Variants in DNM3 observed in about 807,000 individuals in gnomAD.
DNM3 encodes the protein dynamin 3.
DNM3 carries 47 observed loss-of-function variants against 101.6 expected under a neutral mutation model. The ratio of observed to expected loss-of-function variants is 0.46; its 90% CI spans 0.37 to 0.59. DNM3 has a LOEUF of 0.59. Ranked by LOEUF, DNM3 falls within the 20% of genes least tolerant of loss-of-function variation. DNM3 has a pLI of 0.00. For synonymous variants in DNM3, 385 were observed against 387.9 expected (o/e 0.99, Z 0.09); for missense variants, 849 against 1,085.7 (o/e 0.78, Z 3.06).
chr1:171,919,982 C>T (rs1180709827), intron 1 of DNM3, among the ~76,000 whole-genome samples: 1 of 152,114 alleles, frequency 6.6e-6, no homozygotes, highest in Admixed American at 6.6e-5. Flanking sequence ...GTCGCATTTT[C>T]AAAAGCACAT....
intron 20 of DNM3, chr1:172,397,199 G>A (rs771855737): frequency 5.2e-5 from 8 of 152,592 alleles, no homozygotes; most frequent in East Asian, 3.8e-4. Context: ...TTGCTTCTCA[G>A]TAGTGTTGGA....
intron 13 of DNM3, among the ~76,000 whole-genome samples, chr1:172,119,667 A>G (rs1159932425): frequency 1.3e-5 from 2 of 152,138 alleles, no homozygotes; most frequent in African/African-American, 4.8e-5. Flanking sequence ...ACAAATTTGC[A>G]CATCTGATCC....
intron 17 of DNM3, chr1:172,338,861 A>G: frequency 2.1e-6 from 1 of 468,892 alleles, no homozygotes; most frequent in Middle Eastern, 4.3e-4. Flanking sequence ...ATCCAGAATG[A>G]AAGTGCATCT....
intron 14 of DNM3, among the ~76,000 whole-genome samples, chr1:172,250,726 G>A (rs962404026): frequency 3.3e-5 from 5 of 152,110 alleles, no homozygotes; most frequent in African/African-American, 1.2e-4. Context: ...TGATAGTGAG[G>A]TTTCAGATGG....
At chr1:172,351,969 T>A (rs937573235) in intron 17 of DNM3, among the ~76,000 whole-genome samples, 1 of 152,164 alleles carries the variant, frequency 6.6e-6, no homozygotes, top group African/African-American at 2.4e-5. Flanking sequence ...CAAAGGAGAC[T>A]AATACAATAA....
intron 7 of DNM3, among the ~76,000 whole-genome samples, chr1:172,041,373 G>C (rs1453499754): frequency 4.6e-5 from 7 of 152,176 alleles, no homozygotes; most frequent in Admixed American, 3.9e-4. Context: ...TGGGAATGCA[G>C]GAGGATCAGC....
chr1:172,231,212 A>G (rs990805882), intron 14 of DNM3, among the ~76,000 whole-genome samples: 1 of 128,988 alleles, frequency 7.8e-6, no homozygotes, highest in African/African-American at 2.8e-5. Context: ...AGGCACCCCC[A>G]GTAGGGGCAG....
At chr1:172,367,941 A>T (rs12120829) in intron 17 of DNM3, among the ~76,000 whole-genome samples, 13 of 151,816 alleles carry the variant, frequency 8.6e-5, no homozygotes, top group Non-Finnish European at 1.6e-4. Context: ...GTAAATTCTT[A>T]CAAGATCTGA....
At chr1:172,233,370 A>ATT (rs2061412953) in intron 14 of DNM3, among the ~76,000 whole-genome samples, 1 of 152,190 alleles carries the variant, frequency 6.6e-6, no homozygotes, top group Admixed American at 6.5e-5. Context: ...TAGACCAATA[A>ATT]CAGGCTCTGA....
At chr1:172,260,958 T>C (rs2062619221) in intron 15 of DNM3, among the ~76,000 whole-genome samples, 1 of 151,944 alleles carries the variant, frequency 6.6e-6, no homozygotes, top group Non-Finnish European at 1.5e-5. Flanking sequence ...CTCTCCTTCC[T>C]TCCTTCCTTC....
intron 15 of DNM3, among the ~76,000 whole-genome samples, chr1:172,257,907 GACAA>G (rs1041189591): frequency 7.4e-6 from 1 of 135,478 alleles, no homozygotes; most frequent in Non-Finnish European, 1.6e-5. Flanking sequence ...CACACACACA[GACAA>G]ACAGACACAC....
At chr1:172,347,342 A>C (rs2066992966) in intron 17 of DNM3, among the ~76,000 whole-genome samples, 1 of 152,218 alleles carries the variant, frequency 6.6e-6, no homozygotes, top group South Asian at 2.1e-4. Flanking sequence ...ACTACTGAGA[A>C]TAGGAGAAAC....
intron 14 of DNM3, among the ~76,000 whole-genome samples, chr1:172,194,040 C>T (rs1030403016): frequency 2.6e-5 from 4 of 152,136 alleles, no homozygotes; most frequent in African/African-American, 9.7e-5. Context: ...AAATGTGTCC[C>T]AGAGATTCTG....
In DNM3 at chr1:171,902,978, C is replaced by G. The variant is rs575827799; in HGVS notation, c.162-18770C>G. 2.6e-5 allele frequency among the ~76,000 whole-genome samples: 4 copies of G among 152,028 alleles called. No individual in the cohort carries two copies. The East Asian group carries it at 7.8e-4, about 29-fold the overall frequency. On this transcript the variant is annotated intron_variant, in intron 1 of 20. Transcript: ENST00000627582. ...GACCAGCCTGGGCAGCATAGTGGGA[C>G]CTCGTCTCTACAGAAAATAAACAAA...
chr1:172,204,601 G>A (rs1455911616), intron 14 of DNM3, among the ~76,000 whole-genome samples: 1 of 152,074 alleles, frequency 6.6e-6, no homozygotes, highest in Non-Finnish European at 1.5e-5. Flanking sequence ...CTTTGCTAAT[G>A]GCCTCAGCAG....
At chr1:171,955,765 A>G (rs889850344) in intron 2 of DNM3, among the ~76,000 whole-genome samples, 1 of 152,190 alleles carries the variant, frequency 6.6e-6, no homozygotes, top group African/African-American at 2.4e-5. Flanking sequence ...CATGCTGCTG[A>G]TAAAGACATA....
intron 4 of DNM3, among the ~76,000 whole-genome samples, chr1:172,023,317 T>C (rs959582020): frequency 1.3e-5 from 2 of 152,164 alleles, no homozygotes; most frequent in Non-Finnish European, 1.5e-5. Context: ...TCCCTTGTTT[T>C]GTAGAACACG....
intron 1 of DNM3, among the ~76,000 whole-genome samples, chr1:171,910,791 G>A (rs959019560): frequency 6.6e-6 from 1 of 152,134 alleles, no homozygotes; most frequent in African/African-American, 2.4e-5. Flanking sequence ...AATGAGCAAG[G>A]TTGTCCTGTC....
chr1:172,093,656 T>A lies in DNM3; in HGVS notation c.1545+781T>A, dbSNP rs752666898. 5.7e-6 allele frequency: 9 copies of A among 1,575,226 alleles called. No individual in the cohort carries two copies. The East Asian group carries it at 9.0e-5, about 16-fold the overall frequency. On this transcript the variant is annotated intron_variant, in intron 13 of 20. Transcript: ENST00000627582. ...AATAACAGACTTTATTTTAAAAACTTTTTTTCTGAACTAAAGCATATAATT... is the reference window on the plus strand; with the variant it reads ...AATAACAGACTTTATTTTAAAAACTATTTTTCTGAACTAAAGCATATAATT...
Sources: allele counts gnomAD v4.1 joint callset (sites outside exome capture counted in the v4.1 genomes callset), GRCh38; gene constraint gnomAD v4.1.1; transcripts MANE v1.5; gene names NCBI Gene and HGNC (gene_info 2026-07-23, HGNC 2026-07-21).